The following OXCT1 variants were observed in gnomAD, a reference collection of about 807,000 sequenced individuals.
The protein encoded by OXCT1 is succinyl-CoA:3-ketoacid coenzyme A transferase 1, mitochondrial.
Under a neutral mutation model 69.6 loss-of-function variants are expected in OXCT1, and 27 were observed. The ratio of observed to expected loss-of-function variants is 0.39; its 90% confidence interval spans 0.29 to 0.54. The LOEUF is 0.54. Among genes scored for constraint, OXCT1 ranks in the 20% least tolerant of loss-of-function variants. The pLI is 0.72. For missense variants in OXCT1, 437 were observed against 650.2 expected (o/e 0.67, Z 3.57); for synonymous variants, 202 against 217.8 (o/e 0.93, Z 0.64).
intron 13 of OXCT1, among the ~76,000 whole-genome samples, chr5:41,780,749 G>GT (rs1330424935): frequency 6.6e-6 from 1 of 152,136 alleles, no homozygotes. Flanking sequence ...ATAAAATAAT[G>GT]TAACAAATGT....
intron 13 of OXCT1, among the ~76,000 whole-genome samples, chr5:41,792,144 A>G (rs1204372424): frequency 6.6e-6 from 1 of 152,210 alleles, no homozygotes; most frequent in African/African-American, 2.4e-5. Flanking sequence ...ACCAGGTACT[A>G]AGTGTCAAGC....
chr5:41,775,906 A>T (rs1355773984), intron 13 of OXCT1, among the ~76,000 whole-genome samples: 1 of 152,170 alleles, frequency 6.6e-6, no homozygotes, highest in Non-Finnish European at 1.5e-5. Context: ...TCCCTCCAAG[A>T]GGTAGAGCTT....
chr5:41,816,964 T>C (rs1304467707), intron 7 of OXCT1, among the ~76,000 whole-genome samples: 1 of 152,164 alleles, frequency 6.6e-6, no homozygotes. Context: ...TGAATCTCAT[T>C]ATTTATAGTT....
Position 41,840,460 on chromosome 5 carries a change from T to G in OXCT1, c.723A>C (p.Thr241=). The change falls in exon 7 of 17, where the codon ACA becomes ACC. Residue 241 remains threonine, a synonymous_variant. Transcript: ENST00000196371. ...AAAAATAACCTCTTACCTCTACCAC[T>G]GTGGTTTCTGCAGCTTTGCACATTG... is the stretch of plus-strand genomic sequence containing the variant. The part of the protein sequence containing the change: ...NLPMCKAAET[T]VVEVEEIVDI... The G allele has an allele frequency of 1.2e-6, 2 of 1,611,456 alleles. No homozygotes were observed. The highest frequency in any genetic ancestry group is 2.2e-5 in the East Asian group (1 of 44,814).
At position 41,859,877 on chromosome 5, in the gene OXCT1, A is replaced by G. The variant is rs1188953372; in HGVS notation, c.278+1437T>C. On this transcript the variant is annotated intron_variant, in intron 3 of 16. Coordinates refer to ENST00000196371, the MANE Select transcript of OXCT1 (RefSeq NM_000436.4). Reference sequence around the variant, plus strand: ...GACTAGTATAGTAATATATATATATATATATATATGTAATATATATATATA... The same window carrying G: ...GACTAGTATAGTAATATATATATATGTATATATATGTAATATATATATATA... 1.7e-5 allele frequency among the ~76,000 whole-genome samples: 2 copies of G among 120,966 alleles called. 1 individual carries two copies. Among genetic ancestry groups the G allele is most frequent in the African/African-American group, 5.5e-5 (2 of 36,110 alleles). 79.4% of individuals were successfully genotyped at this position (120,966 alleles called of 152,430 possible). A position where few individuals can be genotyped will look rare whatever the true frequency, so the allele number is the denominator to read the frequency against.
chr5:41,756,727 G>A (rs1460376464), intron 14 of OXCT1, among the ~76,000 whole-genome samples: 1 of 152,114 alleles, frequency 6.6e-6, no homozygotes, highest in Non-Finnish European at 1.5e-5. Context: ...AGGATCGTCT[G>A]AAGACGGAAG....
chr5:41,755,704 A>G (rs1234983910), intron 14 of OXCT1, among the ~76,000 whole-genome samples: 1 of 152,136 alleles, frequency 6.6e-6, no homozygotes, highest in African/African-American at 2.4e-5. Context: ...GATAGCTTTC[A>G]GCTCTATATG....
intron 7 of OXCT1, among the ~76,000 whole-genome samples, chr5:41,834,177 C>T (rs1357630260): frequency 1.3e-5 from 2 of 151,166 alleles, no homozygotes; most frequent in Non-Finnish European, 3.0e-5. Context: ...AAATAAAAAG[C>T]AAGAAATCAA....
intron 7 of OXCT1, among the ~76,000 whole-genome samples, chr5:41,827,416 G>C (rs1490115109): frequency 6.6e-6 from 1 of 152,116 alleles, no homozygotes; most frequent in African/African-American, 2.4e-5. Flanking sequence ...TTACAATATT[G>C]TAATAAAGCT....
Position 41,762,249 on chromosome 5 carries a change from GTGA to G in OXCT1, c.1249-52_1249-50del. ...TCTGTATCTTTCACTTCTTTTGTAT[GTGA>G]CAGAACAAAATTAACTTGCAAAAAT... On this transcript the variant is annotated intron_variant, in intron 13 of 16. Coordinates refer to ENST00000196371, the MANE Select transcript of OXCT1 (RefSeq NM_000436.4). This position sits in a 1 kb window ranked among gnomAD's most constrained non-coding sequence, Gnocchi z 4.0. 7.2e-7 allele frequency: 1 copy of G among 1,387,976 alleles called. No individual in the cohort carries two copies. Among genetic ancestry groups the G allele is most frequent in the Non-Finnish European group, 1.0e-6 (1 of 973,838 alleles). 86.0% of individuals were successfully genotyped at this position (1,387,976 alleles called of 1,614,324 possible).
chr5:41,789,248 C>T (rs995795242), intron 13 of OXCT1, among the ~76,000 whole-genome samples: 3 of 152,124 alleles, frequency 2.0e-5, no homozygotes, highest in African/African-American at 7.2e-5. Context: ...ATAAACAATA[C>T]GTAAATGAGT....
In OXCT1 at chr5:41,870,052, G is replaced by T; in HGVS notation, c.78+229C>A. On this transcript the variant is annotated intron_variant, in intron 1 of 16. Transcript: ENST00000196371. The surrounding 1 kb of genome is among the most constrained non-coding windows in gnomAD (Gnocchi z 4.2). The stretch of plus-strand genomic sequence containing the variant: ...GCCTCTCCGCGCGCTTCTTTATCGC[G>T]TCTCGCTCCATCAGGGAAGCGACTG... The T allele has an allele frequency of 5.3e-6, 3 of 569,390 alleles. No individual in the cohort carries two copies. Among genetic ancestry groups the T allele is most frequent in the Non-Finnish European group, 9.5e-6 (3 of 314,986 alleles). 35.3% of individuals were successfully genotyped at this position (569,390 alleles called of 1,614,324 possible). A position where few individuals can be genotyped will look rare whatever the true frequency, so the allele number is the denominator to read the frequency against.
intron 13 of OXCT1, among the ~76,000 whole-genome samples, chr5:41,777,675 C>G (rs572090601): frequency 2.0e-5 from 3 of 152,302 alleles, no homozygotes; most frequent in East Asian, 1.9e-4. Flanking sequence ...GTCCTATGTA[C>G]AATTTCTAAA....
At chr5:41,754,165 T>C (rs1281782619) in intron 14 of OXCT1, among the ~76,000 whole-genome samples, 2 of 152,258 alleles carry the variant, frequency 1.3e-5, no homozygotes, top group East Asian at 1.9e-4. Context: ...GGGCTTCTTT[T>C]AATTTAATAT....
intron 7 of OXCT1, among the ~76,000 whole-genome samples, chr5:41,837,186 TGAG>T (rs1408511816): frequency 2.0e-5 from 3 of 151,866 alleles, no homozygotes; most frequent in African/African-American, 7.3e-5. Flanking sequence ...GAAGAAAGGT[TGAG>T]AAGATGCAGC....
At chr5:41,839,550 T>C (rs1052973760) in intron 7 of OXCT1, among the ~76,000 whole-genome samples, 1 of 152,162 alleles carries the variant, frequency 6.6e-6, no homozygotes, top group African/African-American at 2.4e-5. Flanking sequence ...AAGTAACATA[T>C]ACTTCAGCAA....
intron 1 of OXCT1, among the ~76,000 whole-genome samples, chr5:41,865,282 A>G (rs1561139838): frequency 1.3e-5 from 2 of 152,110 alleles, no homozygotes. Flanking sequence ...CAAGAATTCT[A>G]TTTTTTTGTT....
intron 3 of OXCT1, among the ~76,000 whole-genome samples, 199 bp downstream of exon 3, chr5:41,861,115 G>A (rs565833615): frequency 6.6e-6 from 1 of 152,060 alleles, no homozygotes; most frequent in South Asian, 2.1e-4. Flanking sequence ...AAGCAAGTCT[G>A]CTTTACTTAT....
chr5:41,789,687 T>A (rs922039293), intron 13 of OXCT1, among the ~76,000 whole-genome samples: 2 of 152,234 alleles, frequency 1.3e-5, no homozygotes, highest in African/African-American at 2.4e-5. Context: ...TGACCTCATA[T>A]GGATTTTCCA....
Sources: gnomAD v4.1 joint callset for allele counts (sites outside exome capture counted in the v4.1 genomes callset) on GRCh38, gnomAD v4.1.1 for gene constraint, Gnocchi (gnomAD v3.1) non-coding constraint, MANE v1.5 for transcripts, NCBI Gene and HGNC (gene_info 2026-07-23, HGNC 2026-07-21) for gene names.